SVIL: variants seen among roughly 807,000 people sequenced by gnomAD.
SVIL encodes supervillin, also known as archvillin.
A neutral mutation model predicts 240.4 loss-of-function variants in SVIL; 101 were observed. The ratio of observed to expected loss-of-function variants is 0.42; its 90% CI spans 0.36 to 0.50. The LOEUF is 0.50. Among genes scored for constraint, SVIL ranks in the 20% least tolerant of loss-of-function variants. The probability of loss-of-function intolerance (pLI) is 0.01; values close to 1 mark genes in which losing one functional copy is unlikely to be tolerated. For synonymous variants in SVIL, 999 were observed against 1,100.0 expected (o/e 0.91, Z 1.82); for missense variants, 2,512 against 2,818.7 (o/e 0.89, Z 2.46).
intron 1 of SVIL, among the ~76,000 whole-genome samples, chr10:29,602,847 G>C (rs962509960): frequency 1.3e-5 from 2 of 152,122 alleles, no homozygotes; most frequent in African/African-American, 2.4e-5. Context: ...TCAGCCAGGC[G>C]TGGTGGCAGG....
At chr10:29,512,949 G>C in intron 16 of SVIL, 88 bp from the exon 17 acceptor site, 5 of 1,515,868 alleles carry the variant, frequency 3.3e-6, no homozygotes, top group Non-Finnish European at 3.5e-6. Flanking sequence ...GAGGCGGCTT[G>C]GGCCAAGATA....
chr10:29,556,774 C>T (rs192143552), intron 3 of SVIL, among the ~76,000 whole-genome samples: 128 of 152,300 alleles, frequency 8.4e-4, no homozygotes, highest in African/African-American at 2.9e-3. Flanking sequence ...ACAACAGCTT[C>T]CCTGTCAACA....
chr10:29,630,710 C>T (rs1283286237), intron 1 of SVIL, among the ~76,000 whole-genome samples: 2 of 151,802 alleles, frequency 1.3e-5, no homozygotes, highest in African/African-American at 2.4e-5. Context: ...GACTTGTTAC[C>T]GCAACACGAA....
intron 1 of SVIL, among the ~76,000 whole-genome samples, chr10:29,618,970 T>G (rs1957527969): frequency 6.6e-6 from 1 of 152,154 alleles, no homozygotes. Context: ...AAGGGGATTT[T>G]GGGCTAAAAG....
In SVIL at chr10:29,531,299, C is replaced by T. The variant is rs1951349759; in HGVS notation, c.2010-11G>A. 2 of 1,613,012 alleles carry T rather than the reference C, an allele frequency of 1.2e-6. No individual in the cohort carries two copies. Among genetic ancestry groups the T allele is most frequent in the African/African-American group, 2.7e-5 (2 of 74,900 alleles). On this transcript the variant is annotated splice_polypyrimidine_tract_variant and intron_variant, in intron 9 of 37. Coordinates refer to ENST00000355867, the MANE Select transcript of SVIL (RefSeq NM_021738.3). ...GAATGTGAAGTGCACCTAGGAAAGA[C>T]ATTAGCAAATAACAATAATACATTA...
chr10:29,572,422 GGGA>G (rs139099164), intron 1 of SVIL, among the ~76,000 whole-genome samples: 9,222 of 152,152 alleles, frequency 0.061, 349 homozygotes, highest in Admixed American at 0.12. Flanking sequence ...CGGGAGTGTT[GGGA>G]GGAGAAGAGG....
intron 26 of SVIL, among the ~76,000 whole-genome samples, chr10:29,485,313 C>A (rs189762424): frequency 6.6e-6 from 1 of 152,094 alleles, no homozygotes; most frequent in African/African-American, 2.4e-5. Flanking sequence ...GTGATACATA[C>A]AGGAGGGGTT....
At chr10:29,594,847 G>A (rs1202538982) in intron 1 of SVIL, among the ~76,000 whole-genome samples, 1 of 152,224 alleles carries the variant, frequency 6.6e-6, no homozygotes, top group Admixed American at 6.5e-5. Context: ...GTAAGCCACT[G>A]CGCCCAGCCT....
intron 11 of SVIL, 86 bp downstream of exon 11, chr10:29,530,521 A>G: frequency 6.7e-7 from 1 of 1,490,244 alleles, no homozygotes; most frequent in Non-Finnish European, 9.3e-7. Context: ...CCTGGCCTCA[A>G]GTGATTCTCC....
chr10:29,582,175 C>T (rs1292976234), intron 1 of SVIL, among the ~76,000 whole-genome samples: 2 of 152,160 alleles, frequency 1.3e-5, no homozygotes, highest in East Asian at 3.8e-4. Flanking sequence ...ACCTAAATGC[C>T]ACCGAACTGT....
intron 30 of SVIL, 41 bp from the exon 31 acceptor site, chr10:29,471,284 G>GTT: frequency 6.7e-7 from 1 of 1,485,620 alleles, no homozygotes. Flanking sequence ...GGGGCGCGGG[G>GTT]CTTTCAAAGT....
chr10:29,551,312 T>G (rs576487954), intron 5 of SVIL, 49 bp from the exon 6 acceptor site: 2 of 1,507,334 alleles, frequency 1.3e-6, no homozygotes, highest in Admixed American at 4.2e-5. Context: ...AGTAAAGACA[T>G]GTATTTACAC....
At chr10:29,510,622 C>T (rs1400534407) in intron 17 of SVIL, among the ~76,000 whole-genome samples, 36 of 151,784 alleles carry the variant, frequency 2.4e-4, no homozygotes, top group Non-Finnish European at 7.4e-5. Context: ...CACCTGCTCT[C>T]CTGGGTACCT....
At chr10:29,590,165 C>CAAAAAAA (rs58469441) in intron 1 of SVIL, among the ~76,000 whole-genome samples, 3 of 79,666 alleles carry the variant, frequency 3.8e-5, no homozygotes, top group African/African-American at 6.2e-5. Context: ...GACTCCGTCT[C>CAAAAAAA]AAAAAAAAAA....
At chr10:29,728,419 A>G (rs905000126) in intron 1 of SVIL, among the ~76,000 whole-genome samples, 3 of 152,206 alleles carry the variant, frequency 2.0e-5, no homozygotes, top group African/African-American at 7.2e-5. Context: ...GTTCCAAAGA[A>G]CCCTTTTTAA....
At chr10:29,508,503 C>G in intron 17 of SVIL, 1 of 769,730 alleles carries the variant, frequency 1.3e-6, no homozygotes, top group African/African-American at 1.8e-5. Context: ...GCAGCATGCA[C>G]GTGCTCACAC....
intron 6 of SVIL, among the ~76,000 whole-genome samples, chr10:29,548,574 T>G (rs1018239009): frequency 7.9e-5 from 12 of 152,208 alleles, no homozygotes; most frequent in Non-Finnish European, 1.3e-4. Flanking sequence ...GAGTGGATCC[T>G]TTTACACAGT....
chr10:29,555,822 A>T (rs557787109), intron 3 of SVIL, among the ~76,000 whole-genome samples: 19 of 152,350 alleles, frequency 1.2e-4, no homozygotes, highest in Non-Finnish European at 2.8e-4. Flanking sequence ...AGCTACAAGC[A>T]TGAACTCACA....
chr10:29,523,847 T>C lies in SVIL; in HGVS notation c.2767A>G (p.Arg923Gly), dbSNP rs1365862850. The C allele has an allele frequency of 6.2e-7, 1 of 1,614,238 alleles. No homozygotes were observed. The highest frequency in any genetic ancestry group is 8.5e-7 in the Non-Finnish European group (1 of 1,180,036). ...SSIENSDSPV[R>G]SILKSQAWQP... is the part of the protein sequence containing the mutation. ...CAAGCTTGCGATTTCAGAATGCTTC[T>C]AACTGGAGAGTCCGAATTTTCTATT... is the stretch of plus-strand genomic sequence containing the variant. Residue 923 changes from arginine to glycine, a missense_variant, in exon 15 of 38, where the codon AGA becomes GGA. Physicochemically the swap from Arg to Gly is moderately radical, Grantham distance 125. This residue lies in a region of SVIL where 1,443 missense variants were observed against 1,486.6 expected (regional missense o/e 0.97). Transcript: ENST00000355867.
Sources: gnomAD v4.1 joint callset for allele counts (sites outside exome capture counted in the v4.1 genomes callset) on GRCh38, gnomAD v4.1.1 for gene constraint, gnomAD v4.1.1 regional missense constraint, MANE v1.5 for transcripts, NCBI Gene and HGNC (gene_info 2026-07-23, HGNC 2026-07-21) for gene names.